The following TIAM1 variants were observed in gnomAD, a reference collection of about 807,000 sequenced individuals.
TIAM1 encodes the protein TIAM Rac1 associated GEF 1.
A neutral mutation model predicts 163.5 loss-of-function variants in TIAM1; 65 were observed. The observed-to-expected ratio is 0.40, with a 90% CI of 0.33 to 0.49. The LOEUF is 0.49. TIAM1 is among the 20% of genes least tolerant of loss of function. TIAM1 has a pLI of 0.77. For synonymous variants in TIAM1, 833 were observed against 810.1 expected (o/e 1.03, Z -0.48); for missense variants, 1,789 against 2,044.7 (o/e 0.87, Z 2.41).
intron 1 of TIAM1, among the ~76,000 whole-genome samples, chr21:31,520,740 G>A (rs762288192): frequency 1.2e-4 from 18 of 152,198 alleles, no homozygotes; most frequent in Non-Finnish European, 1.8e-4. Flanking sequence ...CTTCCCAGCC[G>A]TGCGATTGGA....
chr21:31,210,740 AAGGAAGGG>A (rs2086806412), intron 10 of TIAM1, among the ~76,000 whole-genome samples: 2 of 120,272 alleles, frequency 1.7e-5, no homozygotes, highest in South Asian at 5.0e-4. Flanking sequence ...AGAAAGAAGG[AAGGAAGGG>A]AGAAAGAAAG....
At chr21:31,427,244 T>C (rs144604569) in intron 2 of TIAM1, among the ~76,000 whole-genome samples, 2,557 of 152,294 alleles carry the variant, frequency 0.017, 40 homozygotes, top group Middle Eastern at 0.054. Flanking sequence ...CCCAGCACTT[T>C]GGGAGGCCAA....
At chr21:31,160,427 A>G in intron 16 of TIAM1, 1 of 398,622 alleles carries the variant, frequency 2.5e-6, no homozygotes, top group African/African-American at 2.1e-5. Context: ...ATAGGATTCA[A>G]ACAGCAAAGG....
intron 2 of TIAM1, among the ~76,000 whole-genome samples, chr21:31,285,921 A>G (rs1274095306): frequency 6.6e-6 from 1 of 152,216 alleles, no homozygotes; most frequent in Non-Finnish European, 1.5e-5. Context: ...AGTCTTCCAG[A>G]TAATGAGAAA....
intron 2 of TIAM1, among the ~76,000 whole-genome samples, chr21:31,291,376 A>G (rs955751603): frequency 6.6e-6 from 1 of 152,258 alleles, no homozygotes; most frequent in African/African-American, 2.4e-5. Flanking sequence ...GCCAGCTTCC[A>G]ATCCAGAAAG....
intron 1 of TIAM1, among the ~76,000 whole-genome samples, chr21:31,532,020 G>C (rs559576295): frequency 2.0e-4 from 30 of 152,206 alleles, no homozygotes; most frequent in African/African-American, 7.0e-4. Flanking sequence ...AGGGAGCTGA[G>C]GTAGGAGGAT....
chr21:31,434,030 T>C (rs750495007), intron 2 of TIAM1, among the ~76,000 whole-genome samples: 3 of 152,068 alleles, frequency 2.0e-5, no homozygotes, highest in Non-Finnish European at 4.4e-5. Flanking sequence ...ACTCCTGAGC[T>C]CAAGCGATCC....
chr21:31,166,697 G>A (rs2084233885), intron 15 of TIAM1, among the ~76,000 whole-genome samples: 1 of 152,226 alleles, frequency 6.6e-6, no homozygotes, highest in African/African-American at 2.4e-5. Context: ...AAAGAAGGAA[G>A]CTCAGTTAAC....
chr21:31,369,915 G>A (rs1469416022), intron 2 of TIAM1, among the ~76,000 whole-genome samples: 6 of 152,092 alleles, frequency 3.9e-5, no homozygotes, highest in African/African-American at 1.4e-4. Context: ...AACCCGGGAG[G>A]CAGAGGTTGC....
rs765919728 is a variant in TIAM1, at chr21:31,141,498, G to A, written c.3482C>T (p.Thr1161Ile). 1 of 1,613,730 alleles carries A rather than the reference G, an allele frequency of 6.2e-7. No homozygotes were observed. Among genetic ancestry groups the A allele is most frequent in the African/African-American group, 1.3e-5 (1 of 74,914 alleles). Residue 1161 changes from threonine (T) to isoleucine (I), a missense_variant, in exon 21 of 28, where the codon ACA becomes ATA. This residue lies in a region of TIAM1 where 60 missense variants were observed against 132.6 expected (regional missense o/e 0.45). Transcript: ENST00000541036. The surrounding 1 kb of genome is among the most constrained non-coding windows in gnomAD (Gnocchi z 4.7). The stretch of plus-strand genomic sequence containing the variant: ...CAAGAATGCCTTGAAAGCCGTGTCT[G>A]TCTTGGCTGGCAGGGTTTAAACACA... ...KVPKVLVKAK[T>I]DTAFKAFLDA... is the part of the protein sequence containing the mutation.
chr21:31,553,913 G>A (rs1365768713), intron 1 of TIAM1, among the ~76,000 whole-genome samples: 4 of 151,974 alleles, frequency 2.6e-5, no homozygotes, highest in African/African-American at 7.3e-5. Flanking sequence ...ACTCCTCATC[G>A]TGACCTCCCC....
chr21:31,237,690 T>C (rs1452212150), intron 6 of TIAM1, among the ~76,000 whole-genome samples: 1 of 152,232 alleles, frequency 6.6e-6, no homozygotes, highest in East Asian at 1.9e-4. Context: ...GATAACATTT[T>C]CTATACCCCT....
At chr21:31,334,297 T>G (rs1172009190) in intron 2 of TIAM1, among the ~76,000 whole-genome samples, 2 of 152,006 alleles carry the variant, frequency 1.3e-5, no homozygotes, top group African/African-American at 2.4e-5. Flanking sequence ...GCCTTTTTTT[T>G]TTTTTGACTT....
chr21:31,304,201 AC>A (rs2074608254), intron 2 of TIAM1, among the ~76,000 whole-genome samples: 1 of 152,076 alleles, frequency 6.6e-6, no homozygotes, highest in African/African-American at 2.4e-5. Flanking sequence ...TTCCTCAGAA[AC>A]TCCAGGCCAA....
upstream of TIAM1, among the ~76,000 whole-genome samples, chr21:31,346,136 A>T (rs1485295206): frequency 2.0e-5 from 3 of 152,014 alleles, no homozygotes; most frequent in Non-Finnish European, 4.4e-5. Flanking sequence ...TCTACATCCT[A>T]TCATGCATAT....
At chr21:31,201,984 CA>C (rs1347728976) in intron 12 of TIAM1, among the ~76,000 whole-genome samples, 2 of 152,068 alleles carry the variant, frequency 1.3e-5, no homozygotes, top group Non-Finnish European at 2.9e-5. Context: ...TAAGTATTAG[CA>C]TTTCATTTTT....
chr21:31,309,903 C>T (rs1330345225), intron 2 of TIAM1, among the ~76,000 whole-genome samples: 1 of 152,182 alleles, frequency 6.6e-6, no homozygotes, highest in Admixed American at 6.5e-5. Context: ...ACCCAAATCC[C>T]CTTCTTTCCC....
At chr21:31,123,566 T>C (rs1031871105) in intron 27 of TIAM1, among the ~76,000 whole-genome samples, 2 of 152,198 alleles carry the variant, frequency 1.3e-5, no homozygotes, top group African/African-American at 2.4e-5. Flanking sequence ...TAATATCCCA[T>C]GTCAAGCCAG....
chr21:31,393,019 G>C (rs997595186), intron 2 of TIAM1, among the ~76,000 whole-genome samples: 1 of 150,608 alleles, frequency 6.6e-6, no homozygotes, highest in African/African-American at 2.4e-5. Context: ...GCAGTGGTGC[G>C]ATGTCAGCTC....
Sources: gnomAD v4.1 joint callset for allele counts (sites outside exome capture counted in the v4.1 genomes callset) on GRCh38, gnomAD v4.1.1 for gene constraint, gnomAD v4.1.1 regional missense constraint, Gnocchi (gnomAD v3.1) non-coding constraint, MANE v1.5 for transcripts, NCBI Gene and HGNC (gene_info 2026-07-23, HGNC 2026-07-21) for gene names.